The following WDR25 variants were observed in gnomAD, a reference collection of about 807,000 sequenced individuals.
The protein encoded by WDR25 is WD repeat domain 25.
Under a neutral mutation model 47.7 loss-of-function variants are expected in WDR25, and 35 were observed. The ratio of observed to expected loss-of-function variants is 0.73; its 90% CI spans 0.56 to 0.97. The LOEUF is 0.97. Among genes scored for constraint, WDR25 ranks in the 50% least tolerant of loss-of-function variants. The pLI is 0.00. For synonymous variants in WDR25, 248 were observed against 278.9 expected, an observed-to-expected ratio of 0.89 and a Z score of 1.10; for missense variants, 634 against 704.7, an observed-to-expected ratio of 0.90 and a Z score of 1.14.
chr14:100,451,563 T>C (rs1899033953), intron 2 of WDR25, among the ~76,000 whole-genome samples: 1 of 152,166 alleles, frequency 6.6e-6, no homozygotes, highest in Admixed American at 6.5e-5. Flanking sequence ...GATCTGTGTG[T>C]ATTGAGGCCA....
intron 2 of WDR25, among the ~76,000 whole-genome samples, chr14:100,443,566 A>G (rs1350875230): frequency 6.6e-6 from 1 of 152,106 alleles, no homozygotes; most frequent in African/African-American, 2.4e-5. Flanking sequence ...TTGGGGGATA[A>G]ATATCATTGC....
chr14:100,491,473 C>T (rs1900562695), intron 4 of WDR25, among the ~76,000 whole-genome samples: 1 of 152,226 alleles, frequency 6.6e-6, no homozygotes. Context: ...AAATTCCTGT[C>T]ACCTAGTGAT....
At chr14:100,474,068 G>C (rs1899936665) in intron 3 of WDR25, among the ~76,000 whole-genome samples, 1 of 152,216 alleles carries the variant, frequency 6.6e-6, no homozygotes, top group Admixed American at 6.5e-5. Context: ...GCTGATGAGG[G>C]TTCCCTGGCT....
chr14:100,388,820 C>CTT (rs1353972864), intron 2 of WDR25, among the ~76,000 whole-genome samples: 2 of 152,122 alleles, frequency 1.3e-5, no homozygotes, highest in South Asian at 2.1e-4. Flanking sequence ...TTCAGTGTAC[C>CTT]AAGGGCGGGG....
intron 2 of WDR25, 92 bp downstream of exon 2, chr14:100,381,838 T>G: frequency 9.5e-7 from 1 of 1,052,052 alleles, no homozygotes; most frequent in South Asian, 1.7e-5. Flanking sequence ...CAGGCTGAAC[T>G]TTTTTTTGTG....
intron 2 of WDR25, among the ~76,000 whole-genome samples, chr14:100,441,426 A>C (rs990286231): frequency 5.3e-5 from 8 of 152,092 alleles, no homozygotes; most frequent in African/African-American, 1.7e-4. Context: ...TGCGTCTTAC[A>C]GGAAGGGAGT....
At chr14:100,386,307 C>T (rs184927375) in intron 2 of WDR25, among the ~76,000 whole-genome samples, 45 of 152,246 alleles carry the variant, frequency 3.0e-4, no homozygotes, top group Middle Eastern at 3.4e-3. Context: ...CCTCCCTGGT[C>T]GGGGGCCCTA....
intron 1 of WDR25, among the ~76,000 whole-genome samples, chr14:100,379,469 C>A (rs1369301503): frequency 6.7e-6 from 1 of 150,328 alleles, no homozygotes; most frequent in African/African-American, 2.4e-5. Context: ...CTCACTGCAA[C>A]CTCCACCTCC....
In WDR25 at chr14:100,424,935, G is replaced by A. The variant is rs552473057; in HGVS notation, c.823-43086G>A. On this transcript the variant is annotated intron_variant, in intron 2 of 6. Transcript: ENST00000402312. The surrounding 1 kb of genome is among the most constrained non-coding windows in gnomAD (Gnocchi z 4.2). ...CATAATATCCCACTTCCTGCTTGGTGGCTCAGGCCTGTCAGTCACACAGCT... is the reference window on the plus strand; with the variant it reads ...CATAATATCCCACTTCCTGCTTGGTAGCTCAGGCCTGTCAGTCACACAGCT... Among the ~76,000 whole-genome samples the A allele has an allele frequency of 1.4e-4, 22 of 152,144 alleles. No homozygotes were observed. Among genetic ancestry groups the A allele is most frequent in the Non-Finnish European group, 2.9e-4 (20 of 68,022 alleles).
rs1055044552 is a variant in WDR25 at position 100,449,139 on chromosome 14, G to A, written c.823-18882G>A. Among the ~76,000 whole-genome samples, 1 of 152,208 alleles carries A rather than the reference G, an allele frequency of 6.6e-6. No homozygotes were observed. The highest frequency in any genetic ancestry group is 1.5e-5 in the Non-Finnish European group (1 of 68,042). ...CTTGGGATGTGCTTGGCAAGATAAG[G>A]CCTTATGGCTAGAAGGCTCGGAGAG... is the stretch of plus-strand genomic sequence containing the variant. On this transcript the variant is annotated intron_variant, in intron 2 of 6. Transcript: ENST00000402312. This position sits in a 1 kb window ranked among gnomAD's most constrained non-coding sequence, Gnocchi z 4.2.
At chr14:100,478,694 G>T (rs1211190723) in intron 3 of WDR25, among the ~76,000 whole-genome samples, 1 of 152,178 alleles carries the variant, frequency 6.6e-6, no homozygotes, top group East Asian at 1.9e-4. Context: ...AATCTCTTTA[G>T]GGGGTTGAGG....
At chr14:100,522,160 A>G (rs2029892844) in intron 4 of WDR25, among the ~76,000 whole-genome samples, 2 of 152,094 alleles carry the variant, frequency 1.3e-5, no homozygotes, top group Admixed American at 1.3e-4. Flanking sequence ...GAAGTTGTAA[A>G]TATTTCTCCT....
chr14:100,439,903 G>T (rs528084395), intron 2 of WDR25, among the ~76,000 whole-genome samples: 1 of 152,200 alleles, frequency 6.6e-6, no homozygotes, highest in Non-Finnish European at 1.5e-5. Flanking sequence ...AGCTGGCAGC[G>T]CTCTCGTGTG....
chr14:100,509,073 A>T (rs963660757), intron 4 of WDR25, among the ~76,000 whole-genome samples: 2 of 152,150 alleles, frequency 1.3e-5, no homozygotes, highest in Non-Finnish European at 2.9e-5. Flanking sequence ...TTGATGTGAG[A>T]TTAATATTGA....
chr14:100,511,012 G>T (rs1446420687), intron 4 of WDR25, among the ~76,000 whole-genome samples: 1 of 151,786 alleles, frequency 6.6e-6, no homozygotes, highest in Non-Finnish European at 1.5e-5. Context: ...ACTACTGTAG[G>T]TTCTTTGCAT....
At chr14:100,519,553 C>T (rs536071691) in intron 4 of WDR25, among the ~76,000 whole-genome samples, 1 of 150,524 alleles carries the variant, frequency 6.6e-6, no homozygotes, top group African/African-American at 2.4e-5. Flanking sequence ...AACTCCATAA[C>T]ATATGTTTAA....
chr14:100,463,521 C>G (rs946902882), intron 2 of WDR25, among the ~76,000 whole-genome samples: 2 of 152,178 alleles, frequency 1.3e-5, no homozygotes, highest in Non-Finnish European at 2.9e-5. Flanking sequence ...AACTTGGAGG[C>G]CTGGGGCTGA....
At chr14:100,442,338 G>A (rs1199065553) in intron 2 of WDR25, among the ~76,000 whole-genome samples, 1 of 152,218 alleles carries the variant, frequency 6.6e-6, no homozygotes, top group African/African-American at 2.4e-5. Flanking sequence ...AGATGGTGGT[G>A]TACCAGAGGC....
chr14:100,468,211 T>C lies in WDR25; in HGVS notation c.970+43T>C. 1 of 1,587,934 alleles carries C rather than the reference T, an allele frequency of 6.3e-7. No individual in the cohort carries two copies. The highest frequency in any genetic ancestry group is 8.6e-7 in the Non-Finnish European group (1 of 1,166,398). On this transcript the variant is annotated intron_variant, in intron 3 of 6. Coordinates refer to ENST00000402312, the MANE Select transcript of WDR25 (RefSeq NM_001161476.3). The surrounding 1 kb of genome is among the most constrained non-coding windows in gnomAD (Gnocchi z 4.5). Reference sequence around the variant, plus strand: ...CCTCCCTGAGGTGAGCTGGCAGCTCTCTCCCTGGGGAAGGTTCTCTGGTGG... The same window carrying C: ...CCTCCCTGAGGTGAGCTGGCAGCTCCCTCCCTGGGGAAGGTTCTCTGGTGG...
Sources: allele counts gnomAD v4.1 joint callset (sites outside exome capture counted in the v4.1 genomes callset), GRCh38; gene constraint gnomAD v4.1.1; non-coding constraint Gnocchi (gnomAD v3.1); transcripts MANE v1.5; gene names NCBI Gene and HGNC (gene_info 2026-07-23, HGNC 2026-07-21).